GPC5: variants seen among roughly 807,000 people sequenced by gnomAD.
The protein encoded by GPC5 is glypican-5.
A neutral mutation model predicts 53.9 loss-of-function variants in GPC5; 47 were observed. That is an observed-to-expected ratio of 0.87 (90% CI 0.69 to 1.11). The LOEUF (loss-of-function observed/expected upper bound fraction) is 1.11. Among genes scored for constraint, GPC5 ranks in the 50% most tolerant of loss-of-function variants. The pLI, the probability that GPC5 is intolerant of heterozygous loss-of-function variation, is 0.00. For synonymous variants in GPC5, 286 were observed against 263.3 expected, an observed-to-expected ratio of 1.09 and a Z score of -0.84; for missense variants, 748 against 713.1, an observed-to-expected ratio of 1.05 and a Z score of -0.56.
Position 92,118,080 on chromosome 13 carries a change from G to GT in GPC5, c.1402-26743dup, listed in dbSNP as rs1188194300. On this transcript the variant is annotated intron_variant, in intron 6 of 7. Coordinates refer to ENST00000377067, the MANE Select transcript of GPC5 (RefSeq NM_004466.6). Reference sequence around the variant, plus strand: ...TAAGTGTAATTTAGTGGCAGTTTTGGTTTTTTTGTTTGTTTGTTTGTTTTG... The same window carrying GT: ...TAAGTGTAATTTAGTGGCAGTTTTGGTTTTTTTTGTTTGTTTGTTTGTTTTG... 5.9e-5 allele frequency among the ~76,000 whole-genome samples: 9 copies of GT among 151,954 alleles called. No individual in the cohort carries two copies. In the East Asian group the frequency reaches 1.7e-3, roughly 29 times the overall value.
intron 7 of GPC5, among the ~76,000 whole-genome samples, chr13:92,376,435 G>A (rs376833793): frequency 2.9e-4 from 44 of 152,226 alleles, no homozygotes; most frequent in African/African-American, 9.9e-4. Context: ...CAGCAGAAGC[G>A]AGAGAATCAC....
chr13:92,143,036 T>A (rs1193722341), intron 6 of GPC5, among the ~76,000 whole-genome samples: 5 of 152,206 alleles, frequency 3.3e-5, no homozygotes, highest in African/African-American at 4.8e-5. Flanking sequence ...ATGTTTAATG[T>A]GCTGGCATAT....
At chr13:92,425,775 T>C (rs982554512) in intron 7 of GPC5, among the ~76,000 whole-genome samples, 1 of 152,136 alleles carries the variant, frequency 6.6e-6, no homozygotes, top group Non-Finnish European at 1.5e-5. Context: ...CTGACACCCA[T>C]GTTCACTGCT....
chr13:92,599,591 A>C (rs1350766036), intron 7 of GPC5, among the ~76,000 whole-genome samples: 1 of 152,214 alleles, frequency 6.6e-6, no homozygotes, highest in Admixed American at 6.5e-5. Flanking sequence ...TTTGGAATTT[A>C]ACCTGCTGAC....
At chr13:92,302,832 C>T (rs548500517) in intron 7 of GPC5, among the ~76,000 whole-genome samples, 1 of 152,274 alleles carries the variant, frequency 6.6e-6, no homozygotes, top group South Asian at 2.1e-4. Context: ...TTCTCAATCT[C>T]GTTTCTTTCA....
intron 7 of GPC5, among the ~76,000 whole-genome samples, chr13:92,247,444 T>A (rs181510973): frequency 6.6e-6 from 1 of 152,266 alleles, no homozygotes; most frequent in East Asian, 1.9e-4. Context: ...GACACTAGTA[T>A]ATAATTCTTT....
rs114756958 is a variant in GPC5 at position 92,403,660 on chromosome 13, C to A, written c.1561+258671C>A. Among the ~76,000 whole-genome samples, 534 of 152,278 alleles carry A rather than the reference C, an allele frequency of 3.5e-3. 1 individual carries two copies. The highest frequency in any genetic ancestry group is 0.012 in the African/African-American group (486 of 41,540). On this transcript the variant is annotated intron_variant, in intron 7 of 7. Transcript: ENST00000377067. ...TCCTTGGTGCCAAAAAGGTTGGGGACCACTGTGCTAAAGCATTCTAGAGCC... is the reference window on the plus strand; with the variant it reads ...TCCTTGGTGCCAAAAAGGTTGGGGAACACTGTGCTAAAGCATTCTAGAGCC...
intron 7 of GPC5, among the ~76,000 whole-genome samples, chr13:92,186,309 A>G (rs2042183412): frequency 6.6e-6 from 1 of 151,974 alleles, no homozygotes; most frequent in African/African-American, 2.4e-5. Flanking sequence ...AAAGAACCTT[A>G]ATAAGATTTG....
chr13:92,550,631 A>G (rs113279396), intron 7 of GPC5, among the ~76,000 whole-genome samples: 1 of 151,944 alleles, frequency 6.6e-6, no homozygotes, highest in African/African-American at 2.4e-5. Context: ...CTTGTTTGGA[A>G]TCTATATTTT....
intron 6 of GPC5, among the ~76,000 whole-genome samples, chr13:92,114,929 T>C (rs1418999482): frequency 1.3e-5 from 2 of 152,214 alleles, no homozygotes; most frequent in Non-Finnish European, 2.9e-5. Context: ...GAGTTCTGTT[T>C]CTGAGAGAAG....
intron 7 of GPC5, among the ~76,000 whole-genome samples, chr13:92,487,925 T>G (rs1399420104): frequency 6.6e-6 from 1 of 151,522 alleles, no homozygotes; most frequent in Non-Finnish European, 1.5e-5. Context: ...GAGGTAAGGA[T>G]TAGTGATTGG....
chr13:92,409,001 G>A (rs1342455939), intron 7 of GPC5, among the ~76,000 whole-genome samples: 1 of 152,012 alleles, frequency 6.6e-6, no homozygotes, highest in Non-Finnish European at 1.5e-5. Context: ...GGTTTGTACA[G>A]TAAATGATGT....
At chr13:91,643,435 TA>T (rs1441606400) in intron 2 of GPC5, among the ~76,000 whole-genome samples, 5 of 152,330 alleles carry the variant, frequency 3.3e-5, no homozygotes, top group Middle Eastern at 3.4e-3. Context: ...TGCTATGATG[TA>T]AAATATACAC....
intron 6 of GPC5, among the ~76,000 whole-genome samples, chr13:92,128,851 T>C (rs1216896777): frequency 6.6e-6 from 1 of 152,160 alleles, no homozygotes; most frequent in Admixed American, 6.5e-5. Context: ...CAGTCCCAGC[T>C]ATTCAGGAGG....
chr13:91,640,999 C>G (rs2034413262), intron 2 of GPC5, among the ~76,000 whole-genome samples: 1 of 152,198 alleles, frequency 6.6e-6, no homozygotes, highest in Non-Finnish European at 1.5e-5. Context: ...GAGCTGGAAG[C>G]CATTATCCTC....
chr13:92,183,116 A>AG (rs1175108918), intron 7 of GPC5, among the ~76,000 whole-genome samples: 1 of 152,238 alleles, frequency 6.6e-6, no homozygotes, highest in East Asian at 1.9e-4. Context: ...TAGTGTAAGC[A>AG]GATAGCAACC....
intron 1 of GPC5, among the ~76,000 whole-genome samples, chr13:91,406,925 T>C (rs948331851): frequency 1.6e-4 from 25 of 152,226 alleles, no homozygotes; most frequent in African/African-American, 3.6e-4. Flanking sequence ...CAATACTTAT[T>C]TCTAATGGAA....
chr13:92,199,951 C>A (rs544842061), intron 7 of GPC5, among the ~76,000 whole-genome samples: 32 of 152,196 alleles, frequency 2.1e-4, no homozygotes, highest in Admixed American at 9.8e-4. Context: ...AACTTTAGAG[C>A]AAGCTGAGGA....
rs1878186847 is a variant in GPC5 at position 92,454,489 on chromosome 13, C to A, written c.1561+309500C>A. ...GCATTCCTACAGCAAAGTAGAATAA[C>A]ACATTCCATGATAAGTACCACAACT... is the stretch of plus-strand genomic sequence containing the variant. On this transcript the variant is annotated intron_variant, in intron 7 of 7. Transcript: ENST00000377067. Among the ~76,000 whole-genome samples, 3 of 152,178 alleles carry A rather than the reference C, an allele frequency of 2.0e-5. No homozygotes were observed. In the South Asian group the frequency reaches 6.2e-4, roughly 31 times the overall value.
Sources: gnomAD v4.1 joint callset for allele counts (sites outside exome capture counted in the v4.1 genomes callset) on GRCh38, gnomAD v4.1.1 for gene constraint, MANE v1.5 for transcripts, NCBI Gene and HGNC (gene_info 2026-07-23, HGNC 2026-07-21) for gene names.